CNTN5: variants seen among roughly 807,000 people sequenced by gnomAD.
The protein encoded by CNTN5 is contactin 5.
CNTN5 carries 77 observed loss-of-function variants against 129.1 expected under a neutral mutation model. That is an observed-to-expected ratio of 0.60 (90% CI 0.50 to 0.72). The LOEUF is 0.72. Among genes scored for constraint, CNTN5 ranks in the 30% least tolerant of loss-of-function variants. The pLI is 0.00. For synonymous variants in CNTN5, 509 were observed against 465.6 expected (o/e 1.09, Z -1.20); for missense variants, 1,478 against 1,328.8 (o/e 1.11, Z -1.75).
intron 2 of CNTN5, among the ~76,000 whole-genome samples, chr11:99,529,907 T>C (rs1268851365): frequency 6.6e-6 from 1 of 151,976 alleles, no homozygotes; most frequent in Non-Finnish European, 1.5e-5. Context: ...AAATAAACAG[T>C]AAGCAAAAAT....
intron 3 of CNTN5, among the ~76,000 whole-genome samples, chr11:99,657,547 C>G (rs1438752777): frequency 6.6e-6 from 1 of 152,014 alleles, no homozygotes; most frequent in East Asian, 1.9e-4. Flanking sequence ...CCAGTAATGA[C>G]AATTTATTTA....
intron 3 of CNTN5, among the ~76,000 whole-genome samples, chr11:99,654,471 G>C (rs1419062474): frequency 2.0e-5 from 3 of 152,022 alleles, no homozygotes; most frequent in Non-Finnish European, 4.4e-5. Flanking sequence ...GAGGATGGCT[G>C]TGGAACAGGG....
chr11:100,167,318 C>T (rs1947671269), intron 13 of CNTN5, among the ~76,000 whole-genome samples: 1 of 151,776 alleles, frequency 6.6e-6, no homozygotes, highest in South Asian at 2.1e-4. Context: ...ATTATTTAAG[C>T]TTAATTTCAA....
At chr11:99,967,838 A>T (rs1453579) in intron 8 of CNTN5, among the ~76,000 whole-genome samples, 85,417 of 151,866 alleles carry the variant, frequency 0.56, 24,756 homozygotes, top group African/African-American at 0.68. Context: ...TCATTTTTCC[A>T]CTCATTTGAG....
chr11:99,952,699 A>C (rs1950706304), intron 7 of CNTN5, among the ~76,000 whole-genome samples: 1 of 152,110 alleles, frequency 6.6e-6, no homozygotes, highest in African/African-American at 2.4e-5. Flanking sequence ...GCCTGGACAA[A>C]AGTTATATTT....
At chr11:100,081,649 T>C (rs1944368473) in intron 13 of CNTN5, among the ~76,000 whole-genome samples, 1 of 152,184 alleles carries the variant, frequency 6.6e-6, no homozygotes, top group Non-Finnish European at 1.5e-5. Context: ...CAAATGGTGA[T>C]ACTGAGGAAA....
At chr11:99,145,884 A>G (rs1017663880) in intron 1 of CNTN5, among the ~76,000 whole-genome samples, 1 of 152,184 alleles carries the variant, frequency 6.6e-6, no homozygotes, top group Non-Finnish European at 1.5e-5. Flanking sequence ...GAAGTGTCAT[A>G]TAGCTCACAT....
rs559054443 is a variant in CNTN5 at position 99,360,485 on chromosome 11, C to T, written c.-71+35001C>T. Reference sequence around the variant, plus strand: ...GCAGCCATTTCTTATAATTCATATACTCTCTGCACCAGTGGAGATGGCACC... The same window carrying T: ...GCAGCCATTTCTTATAATTCATATATTCTCTGCACCAGTGGAGATGGCACC... On this transcript the variant is annotated intron_variant, in intron 2 of 24. Transcript: ENST00000524871. 7.9e-5 allele frequency among the ~76,000 whole-genome samples: 12 copies of T among 152,258 alleles called. No homozygotes were observed. In the East Asian group the frequency reaches 2.3e-3, roughly 29 times the overall value.
chr11:100,286,355 T>A (rs559889698), intron 18 of CNTN5, among the ~76,000 whole-genome samples: 1 of 151,750 alleles, frequency 6.6e-6, no homozygotes, highest in African/African-American at 2.4e-5. Context: ...TAAATGTCCC[T>A]GTCTGACAGC....
intron 2 of CNTN5, among the ~76,000 whole-genome samples, chr11:99,460,928 T>C (rs1025025883): frequency 6.6e-6 from 1 of 152,064 alleles, no homozygotes; most frequent in Non-Finnish European, 1.5e-5. Flanking sequence ...GAAGATTTGT[T>C]GAAAATTATT....
intron 3 of CNTN5, among the ~76,000 whole-genome samples, chr11:99,647,780 G>C (rs887312085): frequency 1.3e-5 from 2 of 150,748 alleles, no homozygotes; most frequent in Non-Finnish European, 3.0e-5. Flanking sequence ...TTTATTCCAA[G>C]GCATTTTATT....
At chr11:99,620,892 T>C (rs12790118) in intron 3 of CNTN5, among the ~76,000 whole-genome samples, 65,752 of 148,062 alleles carry the variant, frequency 0.44, 15,967 homozygotes, top group Admixed American at 0.59. Flanking sequence ...ATAAAAACTT[T>C]AGAGAAATTT....
intron 2 of CNTN5, among the ~76,000 whole-genome samples, chr11:99,544,387 T>A (rs1422465422): frequency 8.4e-6 from 1 of 119,108 alleles, no homozygotes; most frequent in Admixed American, 7.7e-5. Flanking sequence ...TTAAAAGACA[T>A]TTAAACTCAT....
At chr11:99,754,305 C>A (rs1485416792) in intron 3 of CNTN5, among the ~76,000 whole-genome samples, 1 of 152,212 alleles carries the variant, frequency 6.6e-6, no homozygotes, top group Admixed American at 6.5e-5. Flanking sequence ...ACATTTCTGT[C>A]TTAAAAGCTC....
intron 1 of CNTN5, among the ~76,000 whole-genome samples, chr11:99,199,667 G>A (rs1349159211): frequency 1.3e-5 from 2 of 152,052 alleles, no homozygotes; most frequent in African/African-American, 4.8e-5. Context: ...TCCAAAAATG[G>A]CAAAAGAAAC....
At chr11:99,378,355 C>T (rs1014753050) in intron 2 of CNTN5, among the ~76,000 whole-genome samples, 6 of 152,074 alleles carry the variant, frequency 3.9e-5, no homozygotes, top group Non-Finnish European at 8.8e-5. Context: ...CTATATTTCT[C>T]TAATAATAAG....
At chr11:99,567,094 T>C (rs1457726281) in intron 3 of CNTN5, among the ~76,000 whole-genome samples, 1 of 152,144 alleles carries the variant, frequency 6.6e-6, no homozygotes, top group Non-Finnish European at 1.5e-5. Context: ...AAGTAAAGTA[T>C]TTTTTTCTTC....
chr11:99,265,747 T>C (rs1047796991), intron 1 of CNTN5, among the ~76,000 whole-genome samples: 4 of 152,058 alleles, frequency 2.6e-5, no homozygotes, highest in Admixed American at 6.6e-5. Context: ...GTATTACTTA[T>C]TGCTTACTGC....
At chr11:100,098,764 C>A (rs1945110572) in intron 13 of CNTN5, among the ~76,000 whole-genome samples, 1 of 152,090 alleles carries the variant, frequency 6.6e-6, no homozygotes. Context: ...GTTGAGTCAG[C>A]AGTTTGGCTG....
Sources: allele counts gnomAD v4.1 joint callset (sites outside exome capture counted in the v4.1 genomes callset), GRCh38; gene constraint gnomAD v4.1.1; transcripts MANE v1.5; gene names NCBI Gene and HGNC (gene_info 2026-07-23, HGNC 2026-07-21).